Variants in DRG2 observed in about 807,000 individuals in gnomAD.
DRG2 encodes the protein developmentally regulated GTP binding protein 2, also known as developmentally-regulated GTP-binding protein 2.
In DRG2, 36 loss-of-function variants were observed where a neutral mutation model predicts 53.4. The observed-to-expected ratio is 0.67, with a 90% CI of 0.52 to 0.89. DRG2 has a LOEUF of 0.89. DRG2 is among the 40% of genes least tolerant of loss of function. DRG2 has a pLI of 0.00. For missense variants in DRG2, 342 were observed against 481.2 expected, an observed-to-expected ratio of 0.71 and a Z score of 2.71; for synonymous variants, 167 against 192.1, an observed-to-expected ratio of 0.87 and a Z score of 1.08.
rs1207466219 is a variant in DRG2 at position 18,107,444 on chromosome 17, A to G, written c.*204A>G. On this transcript the variant is annotated 3_prime_UTR_variant, in exon 13 of 13. Coordinates refer to ENST00000225729, the MANE Select transcript of DRG2 (RefSeq NM_001388.5). ...AGGGGCTCGGTTGGAGGCATTTCCC[A>G]TAAGACTGAGCCCTCTCATGGGGGT... is the stretch of plus-strand genomic sequence containing the variant. 4 of 605,772 alleles carry G rather than the reference A, an allele frequency of 6.6e-6. No individual in the cohort carries two copies. Among genetic ancestry groups the G allele is most frequent in the Non-Finnish European group, 1.2e-5 (4 of 339,608 alleles). 37.5% of individuals were successfully genotyped at this position (605,772 alleles called of 1,614,324 possible). A position where few individuals can be genotyped will look rare whatever the true frequency, so the allele number is the denominator to read the frequency against.
In DRG2 at chr17:18,100,264, G is replaced by T; in HGVS notation, c.468-99G>T. 8.1e-7 allele frequency: 1 copy of T among 1,234,128 alleles called. No homozygotes were observed. The allele number at this position is 1,234,128 out of a possible 1,614,324, so 76.4% of individuals were successfully genotyped here. A position where few individuals can be genotyped will look rare whatever the true frequency, so the allele number is the denominator to read the frequency against. ...GCTGGGGAAGGGGGTGGAGGAGAGA[G>T]TCAGTCTCTGGGTGGGCAGTGACAT... On this transcript the variant is annotated intron_variant, in intron 5 of 12. Coordinates refer to ENST00000225729, the MANE Select transcript of DRG2 (RefSeq NM_001388.5). This position sits in a 1 kb window ranked among gnomAD's most constrained non-coding sequence, Gnocchi z 4.1.
chr17:18,101,366 C>A, intron 7 of DRG2, 127 bp from the exon 8 acceptor site: 1 of 784,206 alleles, frequency 1.3e-6, no homozygotes, highest in Non-Finnish European at 2.1e-6. Context: ...TCTTGCAAAA[C>A]CTCACAAGCA....
At chr17:18,090,434 G>T (rs1238672442) in intron 1 of DRG2, among the ~76,000 whole-genome samples, 6 of 7,496 alleles carry the variant, frequency 8.0e-4, no homozygotes, top group Non-Finnish European at 1.5e-3. Flanking sequence ...TTTTTTTTTT[G>T]AGATGGAGTT....
chr17:18,102,677 C>T (rs1006380772), intron 9 of DRG2, among the ~76,000 whole-genome samples: 13 of 151,542 alleles, frequency 8.6e-5, no homozygotes, highest in African/African-American at 3.2e-4. Context: ...CAAGGTCCCC[C>T]CAAGAAGCCC....
intron 2 of DRG2, chr17:18,097,612 G>A (rs546987211): frequency 6.6e-6 from 1 of 152,384 alleles, no homozygotes; most frequent in Non-Finnish European, 1.5e-5. Flanking sequence ...GTGAGGTAGG[G>A]ACCGGGTTCA....
chr17:18,094,888 C>T (rs1278913679), intron 2 of DRG2, among the ~76,000 whole-genome samples: 2 of 134,564 alleles, frequency 1.5e-5, no homozygotes, highest in African/African-American at 2.8e-5. Context: ...GCAGGAGAAT[C>T]GCTTGAACCT....
intron 11 of DRG2, chr17:18,105,573 A>T (rs2045614418): frequency 6.6e-6 from 1 of 152,190 alleles, no homozygotes. Flanking sequence ...AGCCAAGGAG[A>T]CTCACGATTA....
In DRG2 at chr17:18,101,512, G is replaced by A; in HGVS notation, c.651G>A (p.Val217=). 6.2e-7 allele frequency: 1 copy of A among 1,614,172 alleles called. No homozygotes were observed. The highest frequency in any genetic ancestry group is 8.5e-7 in the Non-Finnish European group (1 of 1,180,034). ...LHEYKIFNAE[V]LFREDCSPDE... ...CCTCAGAGATCTTCAATGCAGAAGT[G>A]CTTTTCCGAGAAGACTGCTCCCCGG... The change falls in exon 8 of 13, where the codon GTG becomes GTA. Residue 217 remains valine (V), a synonymous_variant. Transcript: ENST00000225729.
intron 8 of DRG2, 50 bp downstream of exon 8, chr17:18,101,640 A>G: frequency 6.4e-7 from 1 of 1,566,638 alleles, no homozygotes; most frequent in Non-Finnish European, 8.8e-7. Context: ...TTTCTACCAC[A>G]TGCATTTCCT....
intron 12 of DRG2, among the ~76,000 whole-genome samples, chr17:18,106,737 C>G (rs936064499): frequency 7.4e-6 from 1 of 134,590 alleles, no homozygotes; most frequent in Non-Finnish European, 1.5e-5. Flanking sequence ...GTCTCCCACG[C>G]TGGAGTGCAG....
chr17:18,101,588 T>C lies in DRG2; in HGVS notation c.727T>C (p.Tyr243His). Residue 243 changes from tyrosine to histidine, a missense_variant and splice_region_variant, in exon 8 of 13, where the codon TAT becomes CAT. By Grantham distance (83) the Tyr-to-His change is moderately conservative (BLOSUM62 2). Coordinates refer to ENST00000225729, the MANE Select transcript of DRG2 (RefSeq NM_001388.5). ...VGNRVYMPCL[Y>H]VYNKIDQISM... ...CAACCGGGTGTACATGCCCTGCCTG[T>C]ATGTAAGTGCAGGAGGGGAGCCCTG... 1 of 1,613,944 alleles carries C rather than the reference T, an allele frequency of 6.2e-7. No homozygotes were observed. The highest frequency in any genetic ancestry group is 8.5e-7 in the Non-Finnish European group (1 of 1,179,856).
rs2045490324 is a variant in DRG2 at position 18,099,501 on chromosome 17, A to G, written c.377-132A>G. 6 of 927,554 alleles carry G rather than the reference A, an allele frequency of 6.5e-6. No homozygotes were observed. Among genetic ancestry groups the G allele is most frequent in the African/African-American group, 1.6e-5 (1 of 60,810 alleles). The allele number at this position is 927,554 out of a possible 1,614,324, so 57.5% of individuals were successfully genotyped here. On this transcript the variant is annotated intron_variant, in intron 4 of 12. Transcript: ENST00000225729. This position sits in a 1 kb window ranked among gnomAD's most constrained non-coding sequence, Gnocchi z 4.4. ...TCAGTAAAACATGTGGATTAAAGAA[A>G]AATGCCAAGCTTGTGCTAGTATGTG...
rs750209939 is a variant in DRG2, at chr17:18,100,432, C to T, written c.537C>T (p.Phe179=). 5 of 1,614,142 alleles carry T rather than the reference C, an allele frequency of 3.1e-6. No individual in the cohort carries two copies. In the Admixed American group the frequency reaches 6.7e-5, roughly 22 times the overall value. Residue 179 remains phenylalanine (F), a synonymous_variant, in exon 6 of 13, where the codon TTC becomes TTT. Transcript: ENST00000225729. This position sits in a 1 kb window ranked among gnomAD's most constrained non-coding sequence, Gnocchi z 4.1. Reference sequence around the variant, plus strand: ...ACAAGCACAAGCCTAACATCTACTTCAAGGTGAGGCACCTCTCTGGCCTTC... The same window carrying T: ...ACAAGCACAAGCCTAACATCTACTTTAAGGTGAGGCACCTCTCTGGCCTTC... ...RLNKHKPNIY[F]KPKKGGGISF... is the part of the protein sequence containing the mutation.
At position 18,090,382 on chromosome 17, in the gene DRG2, A is replaced by T. The variant is rs867214301; in HGVS notation, c.64+2295A>T. Among the ~76,000 whole-genome samples the T allele has an allele frequency of 9.4e-4, 9 of 9,610 alleles. 1 individual carries two copies. The highest frequency in any genetic ancestry group is 0.018 in the South Asian group (2 of 114). The allele number at this position is 9,610 out of a possible 152,430, so 6.3% of individuals were successfully genotyped here. A position where few individuals can be genotyped will look rare whatever the true frequency, so the allele number is the denominator to read the frequency against. ...ACCGGGCTAATTTATATATATATAT[A>T]TATATATATATATATATATATATAT... On this transcript the variant is annotated intron_variant, in intron 1 of 12. Transcript: ENST00000225729.
intron 11 of DRG2, 102 bp from the exon 12 acceptor site, chr17:18,106,331 C>T (rs922888851): frequency 6.1e-5 from 84 of 1,378,370 alleles, no homozygotes; most frequent in Non-Finnish European, 3.1e-6. Context: ...CGCGGGAACT[C>T]CTGCCTCTTG....
intron 11 of DRG2, among the ~76,000 whole-genome samples, chr17:18,104,993 C>A (rs2142207568): frequency 6.6e-6 from 1 of 152,304 alleles, no homozygotes; most frequent in Non-Finnish European, 1.5e-5. Context: ...ATGCCAGTAA[C>A]CCTGCTTCCA....
chr17:18,101,884 C>T, intron 8 of DRG2, 37 bp from the exon 9 acceptor site: 11 of 1,591,150 alleles, frequency 6.9e-6, no homozygotes, highest in Non-Finnish European at 7.7e-6. Context: ...TGCCTTGCTC[C>T]TGTCCTCAGC....
chr17:18,106,573 C>A (rs1033952425), intron 12 of DRG2, 87 bp downstream of exon 12: 2 of 1,442,922 alleles, frequency 1.4e-6, no homozygotes, highest in South Asian at 1.2e-5. Context: ...ACACTCTCTG[C>A]GTGGTGTTCC....
At position 18,098,629 on chromosome 17, in the gene DRG2, C is replaced by G. The variant is rs2045473714; in HGVS notation, c.315+270C>G. 1 of 483,564 alleles carries G rather than the reference C, an allele frequency of 2.1e-6. No homozygotes were observed. The highest frequency in any genetic ancestry group is 3.7e-5 in the East Asian group (1 of 27,166). The allele number at this position is 483,564 out of a possible 1,614,324, so 30.0% of individuals were successfully genotyped here. ...TGTGCTCTCCTCCCCAACACCACCA[C>G]AGCTCTGGTCACTAATTGCTGCTTG... On this transcript the variant is annotated intron_variant, in intron 3 of 12. Coordinates refer to ENST00000225729, the MANE Select transcript of DRG2 (RefSeq NM_001388.5). The surrounding 1 kb of genome is among the most constrained non-coding windows in gnomAD (Gnocchi z 4.1).
Sources: gnomAD v4.1 joint callset for allele counts (sites outside exome capture counted in the v4.1 genomes callset) on GRCh38, gnomAD v4.1.1 for gene constraint, Gnocchi (gnomAD v3.1) non-coding constraint, MANE v1.5 for transcripts, NCBI Gene and HGNC (gene_info 2026-07-23, HGNC 2026-07-21) for gene names.